The following PSD3 variants were observed in gnomAD, a reference collection of about 807,000 sequenced individuals.
The protein encoded by PSD3 is PH and SEC7 domain-containing protein 3.
In PSD3, 49 loss-of-function variants were observed where a neutral mutation model predicts 105.5. The observed-to-expected ratio is 0.46, with a 90% CI of 0.37 to 0.59. PSD3 has a LOEUF of 0.59. Among genes scored for constraint, PSD3 ranks in the 20% least tolerant of loss-of-function variants. PSD3 has a pLI of 0.00. For synonymous variants in PSD3, 557 were observed against 457.8 expected, an observed-to-expected ratio of 1.22 and a Z score of -2.77; for missense variants, 1,561 against 1,263.8, an observed-to-expected ratio of 1.24 and a Z score of -3.57.
At chr8:19,008,595 G>A (rs986585921) in intron 1 of PSD3, among the ~76,000 whole-genome samples, 2 of 152,176 alleles carry the variant, frequency 1.3e-5, no homozygotes, top group African/African-American at 4.8e-5. Flanking sequence ...AAGCATGTAA[G>A]TTTCCATATA....
At chr8:18,773,109 G>A (rs1807699756) in intron 8 of PSD3, among the ~76,000 whole-genome samples, 1 of 152,062 alleles carries the variant, frequency 6.6e-6, no homozygotes, top group African/African-American at 2.4e-5. Flanking sequence ...ATAACGTGAT[G>A]TTTTTCCCCT....
At chr8:18,649,948 C>G (rs1197469325) in intron 10 of PSD3, among the ~76,000 whole-genome samples, 1 of 152,196 alleles carries the variant, frequency 6.6e-6, no homozygotes, top group Non-Finnish European at 1.5e-5. Context: ...TAGCATCATA[C>G]TTCCTGTACG....
chr8:18,720,679 T>C (rs1802909859), intron 9 of PSD3, among the ~76,000 whole-genome samples: 1 of 152,100 alleles, frequency 6.6e-6, no homozygotes, highest in Admixed American at 6.6e-5. Context: ...TACAAACCCA[T>C]CCTCCCTGCC....
intron 8 of PSD3, among the ~76,000 whole-genome samples, chr8:18,785,529 C>T (rs780841713): frequency 2.0e-5 from 3 of 152,172 alleles, no homozygotes; most frequent in African/African-American, 4.8e-5. Flanking sequence ...ACCCTATCTA[C>T]ACCACCAAAA....
At chr8:18,729,277 C>T (rs1351755355) in intron 9 of PSD3, among the ~76,000 whole-genome samples, 2 of 152,190 alleles carry the variant, frequency 1.3e-5, no homozygotes, top group African/African-American at 4.8e-5. Flanking sequence ...TCTGTAAAAG[C>T]TTAAGCAATG....
In PSD3 at chr8:18,938,777, T is replaced by G. The variant is rs137948911; in HGVS notation, c.22-2635A>C. 4.8e-3 allele frequency among the ~76,000 whole-genome samples: 734 copies of G among 152,268 alleles called. 2 individuals carry two copies. Among genetic ancestry groups the G allele is most frequent in the Middle Eastern group, 6.8e-3 (2 of 294 alleles). ...CAATCCTATGAGGTGGGGGCTACTG[T>G]CATCCCCATCTTATAGGTGGAAAAA... On this transcript the variant is annotated intron_variant, in intron 1 of 15. Transcript: ENST00000327040.
Position 19,070,329 on chromosome 8 carries a change from T to A in PSD3, c.324+13877A>T, listed in dbSNP as rs368466299. On this transcript the variant is annotated intron_variant, in intron 1 of 1. Transcript: ENST00000521475. Reference sequence around the variant, plus strand: ...CTTTCAAAATATACATATTGATTTATGACTGATGTATTTACACTATTGTAT... The same window carrying A: ...CTTTCAAAATATACATATTGATTTAAGACTGATGTATTTACACTATTGTAT... 1.1e-4 allele frequency among the ~76,000 whole-genome samples: 17 copies of A among 149,980 alleles called. 1 individual carries two copies. In the East Asian group the frequency reaches 3.3e-3, roughly 29 times the overall value.
chr8:18,810,030 T>C (rs1224278775), intron 4 of PSD3, among the ~76,000 whole-genome samples: 2 of 152,158 alleles, frequency 1.3e-5, no homozygotes, highest in Non-Finnish European at 2.9e-5. Flanking sequence ...CCCCAATTTC[T>C]TTTTTCAACC....
chr8:19,051,562 T>C (rs1169457946), intron 1 of PSD3, among the ~76,000 whole-genome samples: 1 of 152,214 alleles, frequency 6.6e-6, no homozygotes, highest in Non-Finnish European at 1.5e-5. Flanking sequence ...TTCCTTTCTA[T>C]TCTTTCTGCT....
At chr8:18,744,008 C>A (rs1306673518) in intron 9 of PSD3, among the ~76,000 whole-genome samples, 1 of 146,812 alleles carries the variant, frequency 6.8e-6, no homozygotes, top group Admixed American at 6.8e-5. Flanking sequence ...CCCAGAAGTT[C>A]CCTAATATGC....
intron 4 of PSD3, among the ~76,000 whole-genome samples, chr8:18,813,165 A>G (rs1811850289): frequency 6.6e-6 from 1 of 152,200 alleles, no homozygotes; most frequent in Non-Finnish European, 1.5e-5. Flanking sequence ...GCATGGAGCT[A>G]TGTTCAAGGG....
chr8:18,891,689 C>T (rs1304412852), intron 2 of PSD3, among the ~76,000 whole-genome samples: 1 of 151,964 alleles, frequency 6.6e-6, no homozygotes, highest in Admixed American at 6.6e-5. Flanking sequence ...TCTTTTTACC[C>T]TGTTTTAGTG....
intron 9 of PSD3, among the ~76,000 whole-genome samples, chr8:18,713,420 T>C (rs1482211134): frequency 6.6e-6 from 1 of 152,150 alleles, no homozygotes; most frequent in Non-Finnish European, 1.5e-5. Flanking sequence ...ACCTGATAAG[T>C]CACTTCAGCA....
intron 9 of PSD3, among the ~76,000 whole-genome samples, chr8:18,684,938 T>A (rs975033616): frequency 6.6e-6 from 1 of 152,206 alleles, no homozygotes; most frequent in Non-Finnish European, 1.5e-5. Context: ...GCTCCTAACA[T>A]ATGAAGTGAG....
intron 8 of PSD3, among the ~76,000 whole-genome samples, chr8:18,785,688 G>A (rs765328984): frequency 3.8e-4 from 58 of 152,102 alleles, no homozygotes; most frequent in Non-Finnish European, 8.1e-4. Flanking sequence ...GCCTATCTCA[G>A]CCTCACTAAA....
Position 18,661,800 on chromosome 8 carries a change from G to A in PSD3, c.2173-6115C>T, listed in dbSNP as rs567034217. Among the ~76,000 whole-genome samples the A allele has an allele frequency of 5.3e-5, 8 of 152,278 alleles. No individual in the cohort carries two copies. The East Asian group carries it at 1.5e-3, about 29-fold the overall frequency. On this transcript the variant is annotated intron_variant, in intron 9 of 15. Transcript: ENST00000327040. ...AATTCACAGGTAGATCCATTTTAGG[G>A]AGAAGTACATACAGAAGATGAGTTT... is the stretch of plus-strand genomic sequence containing the variant.
intron 13 of PSD3, among the ~76,000 whole-genome samples, chr8:18,574,158 T>TA (rs906085643): frequency 6.0e-5 from 9 of 151,194 alleles, no homozygotes; most frequent in Admixed American, 1.3e-4. Flanking sequence ...AAACAAAAAG[T>TA]AAAAAAAAAG....
At chr8:18,986,836 C>T (rs979625808) in intron 1 of PSD3, among the ~76,000 whole-genome samples, 4 of 152,130 alleles carry the variant, frequency 2.6e-5, no homozygotes, top group Non-Finnish European at 5.9e-5. Flanking sequence ...GGAACTTCTT[C>T]CCACGCCTAA....
chr8:18,734,602 AC>A (rs1231916427), intron 9 of PSD3, among the ~76,000 whole-genome samples: 10 of 152,154 alleles, frequency 6.6e-5, no homozygotes, highest in African/African-American at 2.4e-4. Context: ...CTAACAGTAA[AC>A]ACGGCAAATA....
Sources: allele counts gnomAD v4.1 joint callset (sites outside exome capture counted in the v4.1 genomes callset), GRCh38; gene constraint gnomAD v4.1.1; transcripts MANE v1.5; gene names NCBI Gene and HGNC (gene_info 2026-07-23, HGNC 2026-07-21).